The following BRPF1 variants were observed in gnomAD, a reference collection of about 807,000 sequenced individuals.
BRPF1 encodes bromodomain and PHD finger containing 1.
BRPF1 carries 15 observed loss-of-function variants against 115.0 expected under a neutral mutation model. The observed-to-expected ratio is 0.13, with a 90% CI of 0.09 to 0.20. The LOEUF is 0.20. Among genes scored for constraint, BRPF1 ranks in the 10% least tolerant of loss-of-function variants. The pLI is 1.00. For synonymous variants in BRPF1, 647 were observed against 619.8 expected, an observed-to-expected ratio of 1.04 and a Z score of -0.65; for missense variants, 1,118 against 1,638.3, an observed-to-expected ratio of 0.68 and a Z score of 5.48.
At position 9,740,928 on chromosome 3, in the gene BRPF1, G is replaced by A; in HGVS notation, c.1709G>A (p.Cys570Tyr). Residue 570 changes from cysteine to tyrosine, a missense_variant, in exon 4 of 14, where the codon TGT becomes TAT. Coordinates refer to ENST00000383829, the MANE Select transcript of BRPF1 (RefSeq NM_001003694.2). ...ACACACCTGCAATCTCAGAGGAACT[G>A]TGACCAAGTTGGGGTACTGTGTCCA... Reference protein sequence around the residue: ...LQTHLQSQRNCDQVGRDSEDK... With the variant: ...LQTHLQSQRNYDQVGRDSEDK... 2 of 1,612,292 alleles carry A rather than the reference G, an allele frequency of 1.2e-6. No homozygotes were observed. Among genetic ancestry groups the A allele is most frequent in the Non-Finnish European group, 1.7e-6 (2 of 1,179,966 alleles).
At chr3:9,746,526 A>G (rs958947234) in intron 13 of BRPF1, 72 bp downstream of exon 13, 9 of 1,427,064 alleles carry the variant, frequency 6.3e-6, no homozygotes, top group African/African-American at 5.8e-5. Context: ...GCAGACTGCC[A>G]GGAAACTCCA....
intron 2 of BRPF1, among the ~76,000 whole-genome samples, chr3:9,736,253 G>A (rs374776569): frequency 8.5e-5 from 13 of 152,138 alleles, no homozygotes; most frequent in East Asian, 3.9e-4. Context: ...TGATCCACCC[G>A]CCTCAGCCTC....
At chr3:9,744,793 C>T (rs969276603) in intron 9 of BRPF1, among the ~76,000 whole-genome samples, 25 of 152,152 alleles carry the variant, frequency 1.6e-4, no homozygotes, top group African/African-American at 5.8e-4. Context: ...CATTTGTGTC[C>T]TAAAGCCAGT....
rs1232290625 is a variant in BRPF1 at position 9,734,054 on chromosome 3, T to A, written c.-10-77T>A. 3.1e-5 allele frequency: 47 copies of A among 1,512,862 alleles called. No homozygotes were observed. The highest frequency in any genetic ancestry group is 4.0e-5 in the Non-Finnish European group (45 of 1,135,520). The allele number at this position is 1,512,862 out of a possible 1,614,324, so 93.7% of individuals were successfully genotyped here. ...GGTGACTCCAAGTGAGGGGGAGGGC[T>A]AGAAAGACTGGGGTCTCTGGTGCAA... On this transcript the variant is annotated intron_variant, in intron 1 of 13. Transcript: ENST00000383829. The surrounding 1 kb of genome is among the most constrained non-coding windows in gnomAD (Gnocchi z 5.7).
Position 9,743,489 on chromosome 3 carries a change from G to T in BRPF1, c.2312-89G>T. The T allele has an allele frequency of 7.0e-7, 1 of 1,425,844 alleles. No homozygotes were observed. 88.3% of individuals were successfully genotyped at this position (1,425,844 alleles called of 1,614,324 possible). A position where few individuals can be genotyped will look rare whatever the true frequency, so the allele number is the denominator to read the frequency against. On this transcript the variant is annotated intron_variant, in intron 7 of 13. Coordinates refer to ENST00000383829, the MANE Select transcript of BRPF1 (RefSeq NM_001003694.2). The surrounding 1 kb of genome is among the most constrained non-coding windows in gnomAD (Gnocchi z 6.1). ...TGTTCCTGGTGAGAAGCCCAGGGGGGATGAGTGGGTTTCTTGCTGCCTGCC... is the reference window on the plus strand; with the variant it reads ...TGTTCCTGGTGAGAAGCCCAGGGGGTATGAGTGGGTTTCTTGCTGCCTGCC...
chr3:9,747,351 A>C lies in BRPF1; in HGVS notation c.*2A>C, dbSNP rs148277267. 1.8e-4 allele frequency: 294 copies of C among 1,612,418 alleles called. 3 individuals carry two copies. The highest frequency in any genetic ancestry group is 1.1e-3 in the Middle Eastern group (6 of 5,616). On this transcript the variant is annotated 3_prime_UTR_variant, in exon 14 of 14. Transcript: ENST00000383829. This position sits in a 1 kb window ranked among gnomAD's most constrained non-coding sequence, Gnocchi z 5.6. The stretch of plus-strand genomic sequence containing the variant: ...AGTGAGACCAGCGATAGTGATTGAT[A>C]CTGCTCAACACAGCCCAACCTATAG...
At position 9,747,873 on chromosome 3, in the gene BRPF1, TAAAAAAAA is replaced by T. The variant is rs753740993; in HGVS notation, c.*535_*542del. The stretch of plus-strand genomic sequence containing the variant: ...GGGTCGCGCCAGAGTCATTTGGTAC[TAAAAAAAA>T]AAAAAAAAAAGACTGGGGGCTGTCC... On this transcript the variant is annotated 3_prime_UTR_variant, in exon 14 of 14. Coordinates refer to ENST00000383829, the MANE Select transcript of BRPF1 (RefSeq NM_001003694.2). The surrounding 1 kb of genome is among the most constrained non-coding windows in gnomAD (Gnocchi z 5.6). 1 of 117,384 alleles carries T rather than the reference TAAAAAAAA, an allele frequency of 8.5e-6. No homozygotes were observed. Among genetic ancestry groups the T allele is most frequent in the Non-Finnish European group, 1.8e-5 (1 of 55,382 alleles). The allele number at this position is 117,384 out of a possible 1,614,324, so 7.3% of individuals were successfully genotyped here.
chr3:9,747,421 G>A lies in BRPF1; in HGVS notation c.*72G>A, dbSNP rs2077147307. On this transcript the variant is annotated 3_prime_UTR_variant, in exon 14 of 14. Transcript: ENST00000383829. The surrounding 1 kb of genome is among the most constrained non-coding windows in gnomAD (Gnocchi z 5.6). ...TCCCCTTTGCTCACTGTCCTGGAGT[G>A]GCACCGGCCTCTGCACTGACTCATT... 1.9e-6 allele frequency: 3 copies of A among 1,557,108 alleles called. No homozygotes were observed. The African/African-American group carries it at 4.1e-5, about 21-fold the overall frequency.
At position 9,734,720 on chromosome 3, in the gene BRPF1, C is replaced by G; in HGVS notation, c.580C>G (p.Arg194Gly). ...LEQDTPDAPP[R>G]PTSYYRYIEK... Reference sequence around the variant, plus strand: ...ACAGGACACCCCTGATGCCCCACCCCGGCCAACTTCCTATTACCGGTAAGG... The same window carrying G: ...ACAGGACACCCCTGATGCCCCACCCGGGCCAACTTCCTATTACCGGTAAGG... The change falls in exon 2 of 14, where the codon CGG becomes GGG. Residue 194 changes from arginine to glycine, a missense_variant. Around this residue, in one of 10 missense-constraint regions of BRPF1, gnomAD observed 280 missense variants for 382.8 expected, o/e 0.73. Transcript: ENST00000383829. The surrounding 1 kb of genome is among the most constrained non-coding windows in gnomAD (Gnocchi z 5.7). 1.2e-6 allele frequency: 2 copies of G among 1,614,062 alleles called. No individual in the cohort carries two copies. The highest frequency in any genetic ancestry group is 1.7e-6 in the Non-Finnish European group (2 of 1,179,948).
rs2077042102 is a variant in BRPF1 at position 9,742,137 on chromosome 3, C to T, written c.1967C>T (p.Pro656Leu). 2 of 1,614,086 alleles carry T rather than the reference C, an allele frequency of 1.2e-6. No individual in the cohort carries two copies. Among genetic ancestry groups the T allele is most frequent in the African/African-American group, 1.3e-5 (1 of 74,922 alleles). Residue 656 changes from proline (P) to leucine (L), a missense_variant, in exon 6 of 14, where the codon CCG (proline) becomes CTG (leucine). Physicochemically the swap from Pro to Leu is moderately conservative, Grantham distance 98. Transcript: ENST00000383829. ...EKDTGNIFSE[P>L]VPLSEVTELD... ...GACACAGGCAACATCTTCAGCGAGC[C>T]GGTCCCTCTGTCTGAGGTAACCGAA...
chr3:9,738,581 C>G (rs2076979487), intron 2 of BRPF1, among the ~76,000 whole-genome samples: 1 of 152,110 alleles, frequency 6.6e-6, no homozygotes. Flanking sequence ...CAATGACCTT[C>G]CTTCTTCCCC....
At chr3:9,744,569 A>G in intron 9 of BRPF1, 61 bp downstream of exon 9, 2 of 1,276,592 alleles carry the variant, frequency 1.6e-6, no homozygotes, top group Non-Finnish European at 2.1e-6. Flanking sequence ...TCTTCCCAGC[A>G]TACTCCCAGT....
chr3:9,741,181 G>A, intron 4 of BRPF1, 127 bp from the exon 5 acceptor site: 1 of 1,231,516 alleles, frequency 8.1e-7, no homozygotes, highest in Non-Finnish European at 1.1e-6. Context: ...CACACAGATT[G>A]AGGCACTACC....
At position 9,734,203 on chromosome 3, in the gene BRPF1, C is replaced by T. The variant is rs116359925; in HGVS notation, c.63C>T (p.Tyr21=). 3.3e-4 allele frequency: 536 copies of T among 1,613,912 alleles called. No individual in the cohort carries two copies. The African/African-American group carries it at 6.2e-3, about 19-fold the overall frequency. ...CHNLRATKPP[Y]ECPVETCRKV... ...ACTTGCGGGCGACTAAGCCACCATA[C>T]GAGTGCCCGGTGGAGACCTGCCGAA... Residue 21 remains tyrosine, a synonymous_variant, in exon 2 of 14, where the codon TAC becomes TAT. Transcript: ENST00000383829. The surrounding 1 kb of genome is among the most constrained non-coding windows in gnomAD (Gnocchi z 5.7).
chr3:9,741,315 C>G lies in BRPF1; in HGVS notation c.1730C>G (p.Ser577Cys). The part of the protein sequence containing the change: ...QRNCDQVGRD[S>C]EDKNWALKEQ... ...TTCGTTTTGCCTCTACAGAGAGATT[C>G]TGAGGATAAGAACTGGGCCCTTAAA... Residue 577 changes from serine to cysteine, a missense_variant, in exon 5 of 14, where the codon TCT becomes TGT. Around this residue, in one of 10 missense-constraint regions of BRPF1, gnomAD observed 178 missense variants for 303.7 expected, o/e 0.59. Coordinates refer to ENST00000383829, the MANE Select transcript of BRPF1 (RefSeq NM_001003694.2). 2 of 1,576,096 alleles carry G rather than the reference C, an allele frequency of 1.3e-6. No homozygotes were observed. Among genetic ancestry groups the G allele is most frequent in the South Asian group, 1.1e-5 (1 of 87,556 alleles).
At chr3:9,740,077 T>G in intron 3 of BRPF1, 119 bp downstream of exon 3, 1 of 1,409,186 alleles carries the variant, frequency 7.1e-7, no homozygotes, top group Non-Finnish European at 9.3e-7. Flanking sequence ...TGCATAGAAG[T>G]TAAAAAGAAC....
intron 2 of BRPF1, among the ~76,000 whole-genome samples, chr3:9,736,856 G>C (rs1399567959): frequency 6.6e-6 from 1 of 152,194 alleles, no homozygotes. Flanking sequence ...CTTCCTTGAG[G>C]GGGAGAGAGA....
In BRPF1 at chr3:9,739,026, G is replaced by A. The variant is rs1160392450; in HGVS notation, c.627G>A (p.Leu209=). 6.3e-7 allele frequency: 1 copy of A among 1,588,962 alleles called. No individual in the cohort carries two copies. Residue 209 remains leucine (L), a synonymous_variant, in exon 3 of 14, where the codon CTG becomes CTA. Coordinates refer to ENST00000383829, the MANE Select transcript of BRPF1 (RefSeq NM_001003694.2). Reference sequence around the variant, plus strand: ...ACATCGAGAAGTCTGCAGAGGAGCTGGACGAGGAAGTAGAGTATGACATGG... The same window carrying A: ...ACATCGAGAAGTCTGCAGAGGAGCTAGACGAGGAAGTAGAGTATGACATGG... ...YRYIEKSAEE[L]DEEVEYDMDE...
Position 9,745,489 on chromosome 3 carries a change from G to A in BRPF1, c.3069-84G>A, listed in dbSNP as rs543175616. 50 of 1,474,688 alleles carry A rather than the reference G, an allele frequency of 3.4e-5. No individual in the cohort carries two copies. Among genetic ancestry groups the A allele is most frequent in the Non-Finnish European group, 4.1e-5 (44 of 1,063,064 alleles). 91.4% of individuals were successfully genotyped at this position (1,474,688 alleles called of 1,614,324 possible). A position where few individuals can be genotyped will look rare whatever the true frequency, so the allele number is the denominator to read the frequency against. On this transcript the variant is annotated intron_variant, in intron 10 of 13. Coordinates refer to ENST00000383829, the MANE Select transcript of BRPF1 (RefSeq NM_001003694.2). The surrounding 1 kb of genome is among the most constrained non-coding windows in gnomAD (Gnocchi z 5.1). ...GCTTTCCAAAAGTCTCAGACCCTGC[G>A]GGCTTTAAGAGCTGAGGGCACATAC...
Sources: allele counts gnomAD v4.1 joint callset (sites outside exome capture counted in the v4.1 genomes callset), GRCh38; gene constraint gnomAD v4.1.1; regional missense constraint gnomAD v4.1.1; non-coding constraint Gnocchi (gnomAD v3.1); transcripts MANE v1.5; gene names NCBI Gene and HGNC (gene_info 2026-07-23, HGNC 2026-07-21).